Variants in KCNB2 observed in about 807,000 individuals in gnomAD.
KCNB2 encodes potassium voltage-gated channel subfamily B member 2.
In KCNB2, 15 loss-of-function variants were observed where a neutral mutation model predicts 61.5. The ratio of observed to expected loss-of-function variants is 0.24; its 90% CI spans 0.16 to 0.38. The LOEUF (loss-of-function observed/expected upper bound fraction) is 0.38, where lower values mean the gene tolerates loss of function less well. Among genes scored for constraint, KCNB2 ranks in the 10% least tolerant of loss-of-function variants. The pLI is 1.00. For synonymous variants in KCNB2, 457 were observed against 446.0 expected, an observed-to-expected ratio of 1.02 and a Z score of -0.31; for missense variants, 828 against 1,125.2, an observed-to-expected ratio of 0.74 and a Z score of 3.78.
At chr8:72,590,160 A>T (rs1306249259) in intron 2 of KCNB2, among the ~76,000 whole-genome samples, 1 of 152,230 alleles carries the variant, frequency 6.6e-6, no homozygotes, top group African/African-American at 2.4e-5. Flanking sequence ...ACTCTTCAAA[A>T]TTTTAAAGCA....
At chr8:72,659,922 G>T (rs1340886377) in intron 2 of KCNB2, among the ~76,000 whole-genome samples, 2 of 152,164 alleles carry the variant, frequency 1.3e-5, no homozygotes, top group African/African-American at 4.8e-5. Flanking sequence ...TCACTTTAAT[G>T]TATTTTTACT....
At chr8:72,647,135 A>C (rs1477332873) in intron 2 of KCNB2, among the ~76,000 whole-genome samples, 1 of 152,122 alleles carries the variant, frequency 6.6e-6, no homozygotes, top group East Asian at 1.9e-4. Flanking sequence ...GCTGAAGAGA[A>C]TCTTCCATGT....
rs139831144 is a variant in KCNB2, at chr8:72,711,970, C to T, written c.579+143657C>T. On this transcript the variant is annotated intron_variant, in intron 2 of 2. Transcript: ENST00000523207. ...TCACACCACTGCACTCTAGCCTGGG[C>T]GACATAGCAAGACTCCATCTCAAGA... Among the ~76,000 whole-genome samples the T allele has an allele frequency of 3.4e-3, 521 of 152,192 alleles. 4 individuals carry two copies. Among genetic ancestry groups the T allele is most frequent in the African/African-American group, 0.012 (499 of 41,532 alleles).
At chr8:72,790,080 C>A (rs1384931207) in intron 2 of KCNB2, among the ~76,000 whole-genome samples, 1 of 152,070 alleles carries the variant, frequency 6.6e-6, no homozygotes, top group Non-Finnish European at 1.5e-5. Context: ...GAAAGAATTC[C>A]ATTTAGATAC....
intron 2 of KCNB2, among the ~76,000 whole-genome samples, chr8:72,649,960 A>G (rs567867215): frequency 6.6e-6 from 1 of 152,192 alleles, no homozygotes; most frequent in African/African-American, 2.4e-5. Flanking sequence ...GCTGGTAATA[A>G]TGCAGTGAAC....
intron 2 of KCNB2, among the ~76,000 whole-genome samples, chr8:72,664,811 G>A (rs1806440595): frequency 1.3e-5 from 2 of 152,184 alleles, no homozygotes; most frequent in East Asian, 3.8e-4. Flanking sequence ...AACTGCAAAT[G>A]CATGAGACTA....
chr8:72,702,592 C>G (rs1285919546), intron 2 of KCNB2, among the ~76,000 whole-genome samples: 1 of 152,128 alleles, frequency 6.6e-6, no homozygotes, highest in Non-Finnish European at 1.5e-5. Flanking sequence ...TTATCAGACC[C>G]AAACTGTCTC....
rs569817843 is a variant in KCNB2, at chr8:72,638,936, A to G, written c.579+70623A>G. On this transcript the variant is annotated intron_variant, in intron 2 of 2. Coordinates refer to ENST00000523207, the MANE Select transcript of KCNB2 (RefSeq NM_004770.3). ...AGTGCTTCCAAGCATTTCAGACAGT[A>G]TTAAATCTATCACTCAACTTATGCA... 2.6e-5 allele frequency among the ~76,000 whole-genome samples: 4 copies of G among 152,260 alleles called. No individual in the cohort carries two copies. The South Asian group carries it at 8.3e-4, about 32-fold the overall frequency.
intron 2 of KCNB2, among the ~76,000 whole-genome samples, chr8:72,692,702 A>G (rs1806957918): frequency 6.6e-6 from 1 of 151,630 alleles, no homozygotes; most frequent in Non-Finnish European, 1.5e-5. Context: ...ATTGTATTCC[A>G]TATTACTGGT....
chr8:72,600,095 A>T (rs750566292), intron 2 of KCNB2, among the ~76,000 whole-genome samples: 6 of 152,236 alleles, frequency 3.9e-5, no homozygotes, highest in Non-Finnish European at 7.3e-5. Context: ...ATTATGGGGT[A>T]TACACCCAAA....
chr8:72,909,740 C>T (rs1035202259), intron 2 of KCNB2, among the ~76,000 whole-genome samples: 3 of 151,692 alleles, frequency 2.0e-5, no homozygotes, highest in East Asian at 1.9e-4. Context: ...TTTAAGAGGT[C>T]GATTGGTTGG....
intron 2 of KCNB2, among the ~76,000 whole-genome samples, chr8:72,794,671 G>A (rs769650101): frequency 7.3e-5 from 11 of 150,556 alleles, no homozygotes; most frequent in Non-Finnish European, 1.5e-4. Context: ...ATATACATAT[G>A]TAGAATCTGT....
chr8:72,709,097 A>G (rs1422085132), intron 2 of KCNB2, among the ~76,000 whole-genome samples: 1 of 152,136 alleles, frequency 6.6e-6, no homozygotes, highest in Non-Finnish European at 1.5e-5. Flanking sequence ...TACTAACATT[A>G]TTTACTTCCC....
intron 2 of KCNB2, among the ~76,000 whole-genome samples, chr8:72,758,623 C>A (rs1808330553): frequency 6.6e-6 from 1 of 152,156 alleles, no homozygotes; most frequent in African/African-American, 2.4e-5. Flanking sequence ...ATTACACAAA[C>A]CTCTGAGTCT....
chr8:72,713,756 T>C (rs929287476), intron 2 of KCNB2, among the ~76,000 whole-genome samples: 3 of 152,064 alleles, frequency 2.0e-5, no homozygotes, highest in African/African-American at 4.8e-5. Context: ...AGAGTGCCTC[T>C]CCTCCTCCAA....
chr8:72,806,355 GA>G (rs113106261), intron 2 of KCNB2, among the ~76,000 whole-genome samples: 20,193 of 97,372 alleles, frequency 0.21, 1,712 homozygotes, highest in East Asian at 0.46. Flanking sequence ...GAGACTCTAA[GA>G]AAAAAAAAAA....
intron 2 of KCNB2, among the ~76,000 whole-genome samples, chr8:72,785,825 G>A (rs2128998281): frequency 6.6e-6 from 1 of 152,206 alleles, no homozygotes; most frequent in South Asian, 2.1e-4. Context: ...ACTACTGAGT[G>A]CCTGCTGTGT....
rs953387095 is a variant in KCNB2, at chr8:72,866,127, C to A, written c.580-69808C>A. Among the ~76,000 whole-genome samples, 2 of 152,136 alleles carry A rather than the reference C, an allele frequency of 1.3e-5. 1 individual carries two copies. Among genetic ancestry groups the A allele is most frequent in the South Asian group, 4.1e-4 (2 of 4,822 alleles). On this transcript the variant is annotated intron_variant, in intron 2 of 2. Coordinates refer to ENST00000523207, the MANE Select transcript of KCNB2 (RefSeq NM_004770.3). ...AGCTATCAGTAATGGAAAAGGCCAACAAAAACATCTGAGTATGCTGAGCAT... is the reference window on the plus strand; with the variant it reads ...AGCTATCAGTAATGGAAAAGGCCAAAAAAAACATCTGAGTATGCTGAGCAT...
chr8:72,781,568 A>G (rs1443448109), intron 2 of KCNB2, among the ~76,000 whole-genome samples: 2 of 152,116 alleles, frequency 1.3e-5, no homozygotes, highest in Admixed American at 6.6e-5. Flanking sequence ...CCATAGGTCT[A>G]TGTGTCTGTT....
Sources: gnomAD v4.1 joint callset for allele counts (sites outside exome capture counted in the v4.1 genomes callset) on GRCh38, gnomAD v4.1.1 for gene constraint, MANE v1.5 for transcripts, NCBI Gene and HGNC (gene_info 2026-07-23, HGNC 2026-07-21) for gene names.